The following ZNF609 variants were observed in gnomAD, a reference collection of about 807,000 sequenced individuals.
ZNF609 encodes the protein zinc finger protein 609.
In ZNF609, 11 loss-of-function variants were observed where a neutral mutation model predicts 109.5. The ratio of observed to expected loss-of-function variants is 0.10; its 90% CI spans 0.06 to 0.17. The LOEUF is 0.17. Among genes scored for constraint, ZNF609 ranks in the 10% least tolerant of loss-of-function variants. The probability of loss-of-function intolerance (pLI) is 1.00; values close to 1 mark genes in which losing one functional copy is unlikely to be tolerated. For missense variants in ZNF609, 1,559 were observed against 1,772.4 expected (o/e 0.88, Z 2.16); for synonymous variants, 646 against 662.0 (o/e 0.98, Z 0.37).
chr15:64,596,104 T>TC (rs1895393141), intron 2 of ZNF609, among the ~76,000 whole-genome samples: 1 of 152,168 alleles, frequency 6.6e-6, no homozygotes, highest in Non-Finnish European at 1.5e-5. Flanking sequence ...GTGTGTCTAG[T>TC]AATATGAAAT....
At chr15:64,523,937 A>T (rs932525074) in intron 2 of ZNF609, among the ~76,000 whole-genome samples, 1 of 151,888 alleles carries the variant, frequency 6.6e-6, no homozygotes, top group African/African-American at 2.4e-5. Context: ...AAAAAAAAGT[A>T]ATGTTTCCAG....
At chr15:64,603,152 G>A (rs115575945) in intron 2 of ZNF609, among the ~76,000 whole-genome samples, 47 of 151,844 alleles carry the variant, frequency 3.1e-4, no homozygotes, top group African/African-American at 1.1e-3. Flanking sequence ...CCAATAATTT[G>A]CCATTGTTGC....
intron 2 of ZNF609, chr15:64,528,877 C>T (rs1487393539): frequency 2.2e-5 from 21 of 975,704 alleles, no homozygotes; most frequent in African/African-American, 6.4e-5. Context: ...GGGGGCCCTC[C>T]GATGCCTACT....
At chr15:64,461,933 A>C (rs1892947387) in intron 1 of ZNF609, among the ~76,000 whole-genome samples, 1 of 152,126 alleles carries the variant, frequency 6.6e-6, no homozygotes, top group South Asian at 2.1e-4. Flanking sequence ...TGTTGTGAGG[A>C]GATGACTGTT....
intron 2 of ZNF609, among the ~76,000 whole-genome samples, chr15:64,512,582 G>A (rs1489769371): frequency 6.6e-6 from 1 of 152,120 alleles, no homozygotes; most frequent in East Asian, 1.9e-4. Flanking sequence ...AAGTAAACAT[G>A]CTGTTTTAGG....
intron 3 of ZNF609, among the ~76,000 whole-genome samples, chr15:64,632,854 A>T (rs1470442662): frequency 1.3e-5 from 2 of 151,430 alleles, no homozygotes; most frequent in African/African-American, 4.9e-5. Flanking sequence ...TGGTGTGATC[A>T]TGGCTCACTG....
intron 2 of ZNF609, among the ~76,000 whole-genome samples, chr15:64,583,039 C>T (rs1895138068): frequency 6.6e-6 from 1 of 150,722 alleles, no homozygotes; most frequent in African/African-American, 2.4e-5. Context: ...GCATGAGCCA[C>T]CACGCCGGGC....
chr15:64,653,581 GGTT>G (rs2140999295), intron 3 of ZNF609, among the ~76,000 whole-genome samples: 1 of 152,240 alleles, frequency 6.6e-6, no homozygotes, highest in South Asian at 2.1e-4. Context: ...GGGAGGCAGA[GGTT>G]GCAGTGAGCT....
intron 2 of ZNF609, among the ~76,000 whole-genome samples, chr15:64,590,481 C>A (rs986008581): frequency 4.0e-5 from 6 of 151,862 alleles, no homozygotes; most frequent in Non-Finnish European, 8.8e-5. Context: ...GCCACCACAC[C>A]CAGCTAATTT....
rs79115704 is a variant in ZNF609 at position 64,498,552 on chromosome 15, C to T, written c.-127-741C>T. Among the ~76,000 whole-genome samples the T allele has an allele frequency of 3.5e-3, 540 of 152,138 alleles. 2 individuals carry two copies. The highest frequency in any genetic ancestry group is 0.012 in the African/African-American group (517 of 41,486). On this transcript the variant is annotated intron_variant, in intron 1 of 9. Coordinates refer to ENST00000326648, the MANE Select transcript of ZNF609 (RefSeq NM_015042.2). ...TAAACATTTTTCTTTATTTGTGTGT[C>T]GTCCTATTTTAGTGGGAAGTGGGAA...
chr15:64,470,936 T>G (rs72741340), intron 1 of ZNF609, among the ~76,000 whole-genome samples: 1 of 152,234 alleles, frequency 6.6e-6, no homozygotes, highest in South Asian at 2.1e-4. Flanking sequence ...GAGTAGCAGC[T>G]ATTAATACTT....
intron 2 of ZNF609, among the ~76,000 whole-genome samples, chr15:64,544,019 GA>G (rs1042792713): frequency 1.5e-4 from 23 of 151,678 alleles, no homozygotes; most frequent in Admixed American, 2.6e-4. Context: ...ATGTTAAAAA[GA>G]AAAAAAATCC....
Position 64,636,310 on chromosome 15 carries a change from C to G in ZNF609, c.973+13258C>G, listed in dbSNP as rs142308519. Among the ~76,000 whole-genome samples, 6 of 152,262 alleles carry G rather than the reference C, an allele frequency of 3.9e-5. No homozygotes were observed. In the East Asian group the frequency reaches 1.2e-3, roughly 29 times the overall value. On this transcript the variant is annotated intron_variant, in intron 3 of 9. Coordinates refer to ENST00000326648, the MANE Select transcript of ZNF609 (RefSeq NM_015042.2). ...TTTCCTTTAGTTGCTGCCTTCACGG[C>G]CTTCTCCATAGCAACAAGCTATATG...
At chr15:64,524,581 G>T (rs1358324957) in intron 2 of ZNF609, among the ~76,000 whole-genome samples, 1 of 151,646 alleles carries the variant, frequency 6.6e-6, no homozygotes, top group African/African-American at 2.4e-5. Context: ...AAAAAAAAGG[G>T]GGGGGCCTTT....
chr15:64,544,798 G>A (rs1031000310), intron 2 of ZNF609, among the ~76,000 whole-genome samples: 1 of 152,156 alleles, frequency 6.6e-6, no homozygotes, highest in East Asian at 1.9e-4. Context: ...CATGAGCCAG[G>A]AATACAGGGC....
chr15:64,481,095 C>T (rs892477461), intron 1 of ZNF609, among the ~76,000 whole-genome samples: 12 of 151,878 alleles, frequency 7.9e-5, no homozygotes, highest in Admixed American at 3.3e-4. Flanking sequence ...ATCTGTCATG[C>T]GAGGATTCAT....
chr15:64,579,073 AAC>A (rs112734194), intron 2 of ZNF609, among the ~76,000 whole-genome samples: 6,998 of 152,116 alleles, frequency 0.046, 526 homozygotes, highest in African/African-American at 0.16. Context: ...AAAATTATAA[AAC>A]AAAAAAGATT....
intron 3 of ZNF609, among the ~76,000 whole-genome samples, chr15:64,668,136 TAAC>T (rs1324010150): frequency 2.0e-5 from 3 of 152,134 alleles, no homozygotes; most frequent in African/African-American, 7.2e-5. Context: ...GAAAAAGTAA[TAAC>T]AAAGACATTC....
intron 3 of ZNF609, among the ~76,000 whole-genome samples, chr15:64,647,827 C>T (rs1896357573): frequency 6.6e-6 from 1 of 152,144 alleles, no homozygotes; most frequent in African/African-American, 2.4e-5. Flanking sequence ...ATAATAATAA[C>T]CTTGCAGCTT....
Sources: gnomAD v4.1 joint callset for allele counts (sites outside exome capture counted in the v4.1 genomes callset) on GRCh38, gnomAD v4.1.1 for gene constraint, MANE v1.5 for transcripts, NCBI Gene and HGNC (gene_info 2026-07-23, HGNC 2026-07-21) for gene names.